Variants in BCL2L13 observed in about 807,000 individuals in gnomAD.
BCL2L13 encodes the protein bcl-2-like protein 13.
BCL2L13 carries 13 observed loss-of-function variants against 25.8 expected under a neutral mutation model. The observed-to-expected ratio is 0.50, with a 90% confidence interval of 0.33 to 0.80. The LOEUF is 0.80. Among genes scored for constraint, BCL2L13 ranks in the 30% least tolerant of loss-of-function variants. The pLI, the probability that BCL2L13 is intolerant of heterozygous loss-of-function variation, is 0.02. For synonymous variants in BCL2L13, 244 were observed against 230.3 expected (o/e 1.06, Z -0.54); for missense variants, 504 against 574.9 (o/e 0.88, Z 1.26).
chr22:17,667,205 C>T (rs527330744), intron 2 of BCL2L13, among the ~76,000 whole-genome samples: 1 of 152,070 alleles, frequency 6.6e-6, no homozygotes, highest in Non-Finnish European at 1.5e-5. Context: ...GTTTCCCCCC[C>T]AACCCCACCA....
At chr22:17,688,478 A>G (rs2145618359) in intron 3 of BCL2L13, among the ~76,000 whole-genome samples, 1 of 152,344 alleles carries the variant, frequency 6.6e-6, no homozygotes. Context: ...AGAGCCAGGA[A>G]TTGCTTCTCA....
At chr22:17,658,734 A>G (rs989517893) in intron 2 of BCL2L13, among the ~76,000 whole-genome samples, 1 of 149,524 alleles carries the variant, frequency 6.7e-6, no homozygotes, top group Non-Finnish European at 1.5e-5. Context: ...TTCTTAATTT[A>G]TAATAAAGAT....
intron 5 of BCL2L13, among the ~76,000 whole-genome samples, chr22:17,701,403 C>T (rs2535708): frequency 0.14 from 21,226 of 152,094 alleles, 2,039 homozygotes; most frequent in Non-Finnish European, 0.21. Context: ...CAATTTCTTG[C>T]GTATTTTTCT....
intron 1 of BCL2L13, among the ~76,000 whole-genome samples, chr22:17,642,684 C>G (rs1003768109): frequency 6.6e-6 from 1 of 151,866 alleles, no homozygotes; most frequent in Admixed American, 6.6e-5. Context: ...ACCTCTGCCT[C>G]CTGGGTTTAA....
chr22:17,631,346 C>T (rs2058009705), intron 1 of BCL2L13, among the ~76,000 whole-genome samples: 1 of 151,976 alleles, frequency 6.6e-6, no homozygotes, highest in Non-Finnish European at 1.5e-5. Context: ...ATCTGCCTGC[C>T]TTGGCATCCC....
intron 6 of BCL2L13, among the ~76,000 whole-genome samples, chr22:17,710,277 A>G (rs971788761): frequency 1.3e-5 from 2 of 151,240 alleles, no homozygotes; most frequent in African/African-American, 2.4e-5. Context: ...ACAGCAAGAC[A>G]TAAAGCTATT....
rs960496776 is a variant in BCL2L13, at chr22:17,660,012, C to T, written c.121+4180C>T. Among the ~76,000 whole-genome samples, 22 of 146,132 alleles carry T rather than the reference C, an allele frequency of 1.5e-4. 3 individuals are homozygous for T. The highest frequency in any genetic ancestry group is 1.5e-3 in the South Asian group (7 of 4,696). ...CTGGGACTACAGGCACGCGCCACTG[C>T]GCCGAGCTCATTTTTATACTTTTAG... On this transcript the variant is annotated intron_variant, in intron 2 of 6. Transcript: ENST00000317582.
chr22:17,671,393 C>CAAAAA (rs33951569), intron 2 of BCL2L13, among the ~76,000 whole-genome samples: 1 of 69,104 alleles, frequency 1.4e-5, no homozygotes, highest in African/African-American at 6.3e-5. Context: ...GACTCCATCT[C>CAAAAA]AAAAAAAAAA....
intron 1 of BCL2L13, among the ~76,000 whole-genome samples, chr22:17,654,377 A>G (rs1043905830): frequency 1.3e-5 from 2 of 151,542 alleles, no homozygotes; most frequent in Non-Finnish European, 2.9e-5. Flanking sequence ...TGCTGGGATT[A>G]TGGGTATGAG....
intron 5 of BCL2L13, among the ~76,000 whole-genome samples, chr22:17,697,363 G>A (rs935235605): frequency 5.9e-5 from 9 of 152,218 alleles, no homozygotes; most frequent in East Asian, 3.9e-4. Flanking sequence ...GCTTAAACCC[G>A]GGAGTTGGAG....
At chr22:17,649,210 G>A (rs896648583) in intron 1 of BCL2L13, among the ~76,000 whole-genome samples, 1 of 151,664 alleles carries the variant, frequency 6.6e-6, no homozygotes, top group Non-Finnish European at 1.5e-5. Context: ...CAATTCTCTT[G>A]CCTCAGCCTC....
At chr22:17,705,195 C>A (rs1278042417) in intron 6 of BCL2L13, among the ~76,000 whole-genome samples, 1 of 151,604 alleles carries the variant, frequency 6.6e-6, no homozygotes, top group Non-Finnish European at 1.5e-5. Flanking sequence ...ATTGCTTAAA[C>A]CAGGGAGGCA....
At chr22:17,715,435 G>A (rs930091930) in intron 6 of BCL2L13, among the ~76,000 whole-genome samples, 11 of 150,782 alleles carry the variant, frequency 7.3e-5, no homozygotes, top group South Asian at 4.2e-4. Flanking sequence ...ACCCACCTCG[G>A]CCTCCCAAAG....
At chr22:17,687,888 G>A (rs2059992423) in intron 3 of BCL2L13, among the ~76,000 whole-genome samples, 1 of 148,098 alleles carries the variant, frequency 6.8e-6, no homozygotes, top group South Asian at 2.2e-4. Context: ...CACAATCTTG[G>A]CTCGCTGCAA....
rs970588911 is a variant in BCL2L13 at position 17,647,432 on chromosome 22, CT to C, written c.-50-8222del. The stretch of plus-strand genomic sequence containing the variant: ...CATAATTACCTTTCATCCAATCTAG[CT>C]TTTTTTTCCCCCCGTCCATTCTCAA... On this transcript the variant is annotated intron_variant, in intron 1 of 6. Transcript: ENST00000317582. Among the ~76,000 whole-genome samples the C allele has an allele frequency of 8.6e-4, 130 of 152,020 alleles. 1 individual carries two copies. In the Middle Eastern group the frequency reaches 0.014, roughly 16 times the overall value.
intron 1 of BCL2L13, among the ~76,000 whole-genome samples, chr22:17,631,694 ATATATATATAT>A (rs2058028177): frequency 2.6e-5 from 1 of 38,532 alleles, no homozygotes; most frequent in Non-Finnish European, 5.2e-5. Context: ...ATATATATAT[ATATATATATAT>A]ATTTTTTTTT....
intron 2 of BCL2L13, among the ~76,000 whole-genome samples, chr22:17,668,854 C>T (rs920897518): frequency 6.6e-6 from 1 of 152,146 alleles, no homozygotes; most frequent in African/African-American, 2.4e-5. Context: ...AGTGTCCCCT[C>T]AAATTCATAT....
intron 2 of BCL2L13, among the ~76,000 whole-genome samples, chr22:17,662,465 G>A (rs1005288730): frequency 1.3e-5 from 2 of 152,124 alleles, no homozygotes; most frequent in South Asian, 2.1e-4. Context: ...GCGACAGAGT[G>A]AGACTCCATC....
At chr22:17,706,924 A>G in intron 6 of BCL2L13, 2 of 920,892 alleles carry the variant, frequency 2.2e-6, no homozygotes, top group East Asian at 1.0e-4. Context: ...AGGGAATGTC[A>G]TCTGTCTATT....
Sources: gnomAD v4.1 joint callset for allele counts (sites outside exome capture counted in the v4.1 genomes callset) on GRCh38, gnomAD v4.1.1 for gene constraint, MANE v1.5 for transcripts, NCBI Gene and HGNC (gene_info 2026-07-23, HGNC 2026-07-21) for gene names.